The following DAAM2 variants were observed in gnomAD, a reference collection of about 807,000 sequenced individuals.
The protein encoded by DAAM2 is disheveled-associated activator of morphogenesis 2.
DAAM2 carries 39 observed loss-of-function variants against 120.7 expected under a neutral mutation model. That is an observed-to-expected ratio of 0.32 (90% CI 0.25 to 0.42). The LOEUF is 0.42. DAAM2 is among the 10% of genes least tolerant of loss of function. DAAM2 has a pLI of 1.00. For synonymous variants in DAAM2, 488 were observed against 524.9 expected (o/e 0.93, Z 0.96); for missense variants, 1,283 against 1,401.7 (o/e 0.92, Z 1.35).
chr6:39,888,757 G>A lies in DAAM2; in HGVS notation c.2139G>A (p.Leu713=), dbSNP rs1408422292. 6.2e-7 allele frequency: 1 copy of A among 1,611,676 alleles called. No homozygotes were observed. The highest frequency in any genetic ancestry group is 8.5e-7 in the Non-Finnish European group (1 of 1,178,768). ...DEQEDLAKDM[L]EQLLKFIPEK... The stretch of plus-strand genomic sequence containing the variant: ...AGGAGGACCTTGCTAAGGACATGCT[G>A]GAGCAGGTGAGGACCCTCGTGGGAA... The change falls in exon 17 of 25, where the codon CTG becomes CTA. Residue 713 remains leucine (L), a synonymous_variant. Coordinates refer to ENST00000274867, the MANE Select transcript of DAAM2 (RefSeq NM_001201427.2).
At chr6:39,800,239 TG>T in intron 1 of DAAM2, among the ~76,000 whole-genome samples, 3 of 152,166 alleles carry the variant, frequency 2.0e-5, no homozygotes, top group African/African-American at 7.2e-5. Flanking sequence ...GCTCTTAGGC[TG>T]CGTGACGGAT....
chr6:39,835,441 G>C (rs1004400087), intron 1 of DAAM2, among the ~76,000 whole-genome samples: 60 of 152,298 alleles, frequency 3.9e-4, no homozygotes, highest in Non-Finnish European at 7.6e-4. Context: ...ACATGAGCTG[G>C]GGCTCTATTT....
Position 39,879,318 on chromosome 6 carries a change from CG to C in DAAM2, c.1691del (p.Gly564AspfsTer42). 3 of 1,586,982 alleles carry C rather than the reference CG, an allele frequency of 1.9e-6. No individual in the cohort carries two copies. The highest frequency in any genetic ancestry group is 2.6e-6 in the Non-Finnish European group (3 of 1,160,562). ...PPPPPPPLPPGGPPTPPGAPP... is the reference protein window; with the variant it reads ...PPPPPPPLPPXGPPTPPGAPP... ...CTCCCCCACCACCACCCCTTCCTCC[CG>C]GGGGACCCCCGACTCCCCCAGGTGC... On this transcript the variant is annotated frameshift_variant, in exon 14 of 25. Transcript: ENST00000274867. LOFTEE classifies it high-confidence loss of function.
Position 39,902,124 on chromosome 6 carries a change from T to C in DAAM2, c.*87T>C. ...GAGGAGGTGGTGATATTTAAACCAT[T>C]TGGTGCTTGGTTTAGAGCCTTGGGC... On this transcript the variant is annotated 3_prime_UTR_variant, in exon 25 of 25. Transcript: ENST00000274867. 8.3e-7 allele frequency: 1 copy of C among 1,209,270 alleles called. No individual in the cohort carries two copies. The highest frequency in any genetic ancestry group is 1.1e-6 in the Non-Finnish European group (1 of 872,200). 74.9% of individuals were successfully genotyped at this position (1,209,270 alleles called of 1,614,324 possible). A position where few individuals can be genotyped will look rare whatever the true frequency, so the allele number is the denominator to read the frequency against.
intron 1 of DAAM2, among the ~76,000 whole-genome samples, chr6:39,835,363 C>T (rs761895422): frequency 1.3e-5 from 2 of 152,200 alleles, no homozygotes; most frequent in Non-Finnish European, 2.9e-5. Flanking sequence ...AGAGAGAGAG[C>T]AGGAAGATTT....
intron 19 of DAAM2, among the ~76,000 whole-genome samples, chr6:39,893,995 A>G (rs1286159759): frequency 6.6e-6 from 1 of 152,222 alleles, no homozygotes; most frequent in Non-Finnish European, 1.5e-5. Flanking sequence ...CAGTTCTTCT[A>G]TGAATATATT....
intron 1 of DAAM2, among the ~76,000 whole-genome samples, chr6:39,823,894 C>T (rs1320458440): frequency 6.6e-6 from 1 of 152,166 alleles, no homozygotes; most frequent in African/African-American, 2.4e-5. Flanking sequence ...TTTCCCTCCT[C>T]CCCCTGCTGG....
intron 1 of DAAM2, among the ~76,000 whole-genome samples, chr6:39,825,756 G>A (rs1231261478): frequency 1.3e-5 from 2 of 152,204 alleles, no homozygotes; most frequent in African/African-American, 2.4e-5. Flanking sequence ...TTTCCCAGGT[G>A]TACAAGCCCT....
At chr6:39,804,552 G>GTA (rs1561994194) in intron 1 of DAAM2, among the ~76,000 whole-genome samples, 2 of 150,948 alleles carry the variant, frequency 1.3e-5, no homozygotes, top group African/African-American at 4.9e-5. Flanking sequence ...GTGTGTGTGT[G>GTA]TATGCATGCA....
At chr6:39,870,874 T>G (rs1021550034) in intron 8 of DAAM2, among the ~76,000 whole-genome samples, 2 of 152,194 alleles carry the variant, frequency 1.3e-5, no homozygotes, top group African/African-American at 4.8e-5. Flanking sequence ...AAGGGCACAA[T>G]TATGTTCCCA....
chr6:39,820,310 C>T (rs1193717231), intron 1 of DAAM2: 1 of 152,128 alleles, frequency 6.6e-6, no homozygotes, highest in Non-Finnish European at 1.5e-5. Flanking sequence ...TTTTCAGTTA[C>T]CAGGTTTTAA....
chr6:39,800,318 G>T (rs1761822149), intron 1 of DAAM2, among the ~76,000 whole-genome samples: 1 of 152,152 alleles, frequency 6.6e-6, no homozygotes, highest in Admixed American at 6.5e-5. Flanking sequence ...TGTCTCCTGG[G>T]CCTGGGGTAG....
At chr6:39,833,614 G>A (rs2114215158) in intron 1 of DAAM2, among the ~76,000 whole-genome samples, 1 of 152,218 alleles carries the variant, frequency 6.6e-6, no homozygotes, top group Admixed American at 6.5e-5. Context: ...AGCCTATAAA[G>A]GTTTTCTATT....
At chr6:39,868,742 G>GC in intron 6 of DAAM2, 81 bp from the exon 7 acceptor site, 1 of 992,146 alleles carries the variant, frequency 1.0e-6, no homozygotes. Flanking sequence ...GGTAGTGGAG[G>GC]CGACAGGAGT....
chr6:39,877,613 C>G (rs779014176), intron 11 of DAAM2, among the ~76,000 whole-genome samples: 2 of 152,186 alleles, frequency 1.3e-5, no homozygotes, highest in Admixed American at 6.5e-5. Context: ...CTTGGGATCT[C>G]GCTTTGGGAT....
intron 1 of DAAM2, among the ~76,000 whole-genome samples, chr6:39,798,968 C>T (rs971974403): frequency 1.3e-4 from 20 of 152,124 alleles, no homozygotes; most frequent in African/African-American, 4.6e-4. Flanking sequence ...ATTGTAGAAT[C>T]GACGCCTGGA....
chr6:39,817,645 G>A (rs1285273811), intron 1 of DAAM2, among the ~76,000 whole-genome samples: 2 of 152,172 alleles, frequency 1.3e-5, no homozygotes, highest in Non-Finnish European at 1.5e-5. Context: ...GGCTCCCATG[G>A]TTGTGGGACT....
In DAAM2 at chr6:39,879,333, T is replaced by TC; in HGVS notation, c.1706dup (p.Gly570ArgfsTer21). The TC allele has an allele frequency of 1.0e-6, 1 of 975,550 alleles. No individual in the cohort carries two copies. Among genetic ancestry groups the TC allele is most frequent in the Non-Finnish European group, 1.3e-6 (1 of 778,502 alleles). 60.4% of individuals were successfully genotyped at this position (975,550 alleles called of 1,614,324 possible). A position where few individuals can be genotyped will look rare whatever the true frequency, so the allele number is the denominator to read the frequency against. On this transcript the variant is annotated frameshift_variant, in exon 14 of 25. Coordinates refer to ENST00000274867, the MANE Select transcript of DAAM2 (RefSeq NM_001201427.2). LOFTEE classifies it high-confidence loss of function. ...CCCTTCCTCCCGGGGGACCCCCGAC[T>TC]CCCCCAGGTGCCCCACCTTGCCTCG...
Position 39,904,686 on chromosome 6 carries a change from G to GTGAC in DAAM2, c.*2651_*2654dup. On this transcript the variant is annotated 3_prime_UTR_variant, in exon 25 of 25. Coordinates refer to ENST00000274867, the MANE Select transcript of DAAM2 (RefSeq NM_001201427.2). ...TCCCATTTCCACCAACTGGGGAACT[G>GTGAC]TGACTATCTATCTCCCCCGACTTCT... 1 of 453,278 alleles carries GTGAC rather than the reference G, an allele frequency of 2.2e-6. No homozygotes were observed. Among genetic ancestry groups the GTGAC allele is most frequent in the South Asian group, 1.6e-5 (1 of 64,476 alleles). The allele number at this position is 453,278 out of a possible 1,614,324, so 28.1% of individuals were successfully genotyped here. A position where few individuals can be genotyped will look rare whatever the true frequency, so the allele number is the denominator to read the frequency against.
Sources: allele counts gnomAD v4.1 joint callset (sites outside exome capture counted in the v4.1 genomes callset), GRCh38; gene constraint gnomAD v4.1.1; transcripts MANE v1.5; gene names NCBI Gene and HGNC (gene_info 2026-07-23, HGNC 2026-07-21).